The following PHTF2 variants were observed in gnomAD, a reference collection of about 807,000 sequenced individuals.
PHTF2 encodes the protein putative homeodomain transcription factor 2.
In PHTF2, 60 loss-of-function variants were observed where a neutral mutation model predicts 101.2. The ratio of observed to expected loss-of-function variants is 0.59; its 90% CI spans 0.48 to 0.73. The LOEUF is 0.73. Among genes scored for constraint, PHTF2 ranks in the 30% least tolerant of loss-of-function variants. The pLI, the probability that PHTF2 is intolerant of heterozygous loss-of-function variation, is 0.00. For missense variants in PHTF2, 747 were observed against 908.7 expected, an observed-to-expected ratio of 0.82 and a Z score of 2.29; for synonymous variants, 311 against 307.3, an observed-to-expected ratio of 1.01 and a Z score of -0.13.
chr7:77,829,829 A>G (rs1393213652), intron 1 of PHTF2, among the ~76,000 whole-genome samples: 1 of 152,232 alleles, frequency 6.6e-6, no homozygotes, highest in African/African-American at 2.4e-5. Context: ...TGCAATATGT[A>G]AAACCTTTTA....
At chr7:77,818,120 A>G (rs575773602) in intron 1 of PHTF2, among the ~76,000 whole-genome samples, 29 of 152,182 alleles carry the variant, frequency 1.9e-4, no homozygotes, top group African/African-American at 6.7e-4. Flanking sequence ...CAAAAAAAAA[A>G]AAAAACAACA....
At chr7:77,863,970 G>A (rs1401886046) in intron 3 of PHTF2, among the ~76,000 whole-genome samples, 2 of 152,014 alleles carry the variant, frequency 1.3e-5, no homozygotes, top group Non-Finnish European at 2.9e-5. Context: ...TGTAGGGATG[G>A]AGTTTCTCCA....
In PHTF2 at chr7:77,922,917, A is replaced by G. The variant is rs75647543; in HGVS notation, c.1119+139A>G. On this transcript the variant is annotated intron_variant, in intron 11 of 19. Transcript: ENST00000416283. ...TATTTATTATTGTTGTATGATCTGG[A>G]TTTATAAAATAGCAGTTTTAGGTTT... 1.9e-3 allele frequency: 2,586 copies of G among 1,327,090 alleles called. 105 individuals carry two copies. In the Admixed American group the frequency reaches 0.066, roughly 34 times the overall value. 82.2% of individuals were successfully genotyped at this position (1,327,090 alleles called of 1,614,324 possible). A position where few individuals can be genotyped will look rare whatever the true frequency, so the allele number is the denominator to read the frequency against.
chr7:77,868,442 T>G (rs1324355287), intron 3 of PHTF2, among the ~76,000 whole-genome samples: 1 of 145,286 alleles, frequency 6.9e-6, no homozygotes, highest in Non-Finnish European at 1.5e-5. Context: ...GTGCTGGGAC[T>G]ACAGGCATGT....
chr7:77,915,127 G>A (rs757488614), intron 9 of PHTF2, among the ~76,000 whole-genome samples: 10 of 151,892 alleles, frequency 6.6e-5, no homozygotes, highest in Non-Finnish European at 7.4e-5. Context: ...GGCTGGGATG[G>A]TCTTGATCCT....
intron 11 of PHTF2, chr7:77,924,258 G>T (rs895259763): frequency 2.3e-6 from 1 of 433,846 alleles, no homozygotes; most frequent in African/African-American, 2.2e-5. Flanking sequence ...CTCTCCAATT[G>T]CTAGTAATGT....
chr7:77,954,131 G>T (rs1326752164), intron 19 of PHTF2, among the ~76,000 whole-genome samples: 1 of 151,838 alleles, frequency 6.6e-6, no homozygotes, highest in Non-Finnish European at 1.5e-5. Context: ...AGAAGTATTT[G>T]GTTTTTTTTA....
intron 1 of PHTF2, among the ~76,000 whole-genome samples, chr7:77,809,232 T>G (rs985918383): frequency 1.6e-3 from 229 of 146,604 alleles, no homozygotes; most frequent in Non-Finnish European, 2.8e-3. Flanking sequence ...TTGTTTTTTT[T>G]TTTTTTTTTT....
At chr7:77,809,765 G>A (rs1370633554) in intron 1 of PHTF2, among the ~76,000 whole-genome samples, 2 of 152,270 alleles carry the variant, frequency 1.3e-5, no homozygotes, top group African/African-American at 4.8e-5. Flanking sequence ...ATTAAGGACT[G>A]TTGAAAATCT....
intron 1 of PHTF2, among the ~76,000 whole-genome samples, chr7:77,804,804 C>A (rs995405260): frequency 1.3e-5 from 2 of 152,230 alleles, no homozygotes; most frequent in Admixed American, 1.3e-4. Context: ...CAACCATTGG[C>A]ACTTAGTTCA....
At chr7:77,939,445 C>T (rs1216123009) in intron 13 of PHTF2, among the ~76,000 whole-genome samples, 2 of 151,978 alleles carry the variant, frequency 1.3e-5, no homozygotes, top group Admixed American at 6.6e-5. Context: ...GTCTTTACAT[C>T]TCTACAAAAC....
exon 20 of PHTF2, chr7:77,956,618 C>T (rs1807005726): frequency 6.6e-6 from 1 of 152,350 alleles, no homozygotes. Context: ...CCTCTATTGT[C>T]TAATGTTGAG....
At chr7:77,940,481 C>A (rs139562454) in intron 14 of PHTF2, 47 bp from the exon 14 acceptor site, 2 of 1,491,808 alleles carry the variant, frequency 1.3e-6, no homozygotes, top group South Asian at 2.6e-5. Flanking sequence ...TTTTGTTTTT[C>A]TGTGGTAATC....
chr7:77,915,197 C>T (rs1802794173), intron 9 of PHTF2, among the ~76,000 whole-genome samples: 1 of 151,570 alleles, frequency 6.6e-6, no homozygotes, highest in African/African-American at 2.4e-5. Context: ...GCGTGAGTCA[C>T]CGCTCCTGGC....
At chr7:77,843,474 G>A (rs1468665856) in intron 2 of PHTF2, among the ~76,000 whole-genome samples, 1 of 151,860 alleles carries the variant, frequency 6.6e-6, no homozygotes, top group East Asian at 1.9e-4. Flanking sequence ...ATGTCTCCCG[G>A]CTGCCATCTT....
chr7:77,936,970 C>A lies in PHTF2; in HGVS notation c.1339-740C>A, dbSNP rs560282067. Among the ~76,000 whole-genome samples, 16 of 151,932 alleles carry A rather than the reference C, an allele frequency of 1.1e-4. No homozygotes were observed. In the South Asian group the frequency reaches 3.3e-3, roughly 32 times the overall value. ...GACCAGCCTGGCCAACATGGTGAAA[C>A]CCCGTCTCTACTAAAAATAAAAAAA... On this transcript the variant is annotated intron_variant, in intron 12 of 19. Transcript: ENST00000416283.
intron 3 of PHTF2, among the ~76,000 whole-genome samples, chr7:77,864,500 C>T (rs1797895976): frequency 6.6e-6 from 1 of 152,222 alleles, no homozygotes; most frequent in Non-Finnish European, 1.5e-5. Context: ...TCATTGCCTA[C>T]CCCTTTCAGC....
At position 77,944,079 on chromosome 7, in the gene PHTF2, A is replaced by C. The variant is rs187280308; in HGVS notation, c.1959+1293A>C. ...GCTTTTGAATGTACATATTGTGTAC[A>C]TATCTGAGTTCATAAGATAATAAAG... On this transcript the variant is annotated intron_variant, in intron 16 of 19. Coordinates refer to ENST00000416283, the Ensembl canonical transcript of PHTF2. Among the ~76,000 whole-genome samples, 5 of 152,218 alleles carry C rather than the reference A, an allele frequency of 3.3e-5. No homozygotes were observed. In the South Asian group the frequency reaches 1.0e-3, roughly 31 times the overall value.
At chr7:77,859,677 C>T (rs1364071761) in intron 3 of PHTF2, among the ~76,000 whole-genome samples, 1 of 151,864 alleles carries the variant, frequency 6.6e-6, no homozygotes, top group Non-Finnish European at 1.5e-5. Context: ...GATCTTCCCG[C>T]CTCAGCCTCT....
Sources: allele counts gnomAD v4.1 joint callset (sites outside exome capture counted in the v4.1 genomes callset), GRCh38; gene constraint gnomAD v4.1.1; transcripts MANE v1.5; gene names NCBI Gene and HGNC (gene_info 2026-07-23, HGNC 2026-07-21).